Variants in TTN observed in about 807,000 individuals in gnomAD.
TTN encodes connectin.
Under a neutral mutation model 3,223.0 loss-of-function variants are expected in TTN, and 1,525 were observed. That is an observed-to-expected ratio of 0.47 (90% CI 0.45 to 0.49). TTN has a LOEUF of 0.49. Ranked by LOEUF, TTN falls within the 20% of genes least tolerant of loss-of-function variation. The pLI is 0.00. For synonymous variants in TTN, 14,094 were observed against 15,161.0 expected (o/e 0.93, Z 5.17); for missense variants, 40,786 against 43,424.0 (o/e 0.94, Z 5.40).
At position 178,775,894 on chromosome 2, in the gene TTN, C is replaced by A. The variant is rs2092165972; in HGVS notation, c.5970G>T (p.Val1990=). The A allele has an allele frequency of 6.2e-7, 1 of 1,614,146 alleles. No homozygotes were observed. Among genetic ancestry groups the A allele is most frequent in the East Asian group, 2.2e-5 (1 of 44,878 alleles). ...TGCGCAGCTCTTCCGACTCTTCAGG[C>A]ACTTTTTCATGGGTAATTCTTTCAG... ...KRAERITHEK[V]PEESEELRSK... The change falls in exon 28 of 363, where the codon GTG becomes GTT. Residue 1990 remains valine, a synonymous_variant. Coordinates refer to ENST00000589042, the MANE Select transcript of TTN (RefSeq NM_001267550.2).
chr2:178,697,119 A>G lies in TTN; in HGVS notation c.30802+2T>C. The stretch of plus-strand genomic sequence containing the variant: ...GAATAAAAATAATTTATCTTTATTT[A>G]CCTTTTGCTGGAATTAAGGTAGTAG... On this transcript the variant is annotated splice_donor_variant, in intron 113 of 362. Coordinates refer to ENST00000589042, the MANE Select transcript of TTN (RefSeq NM_001267550.2). LOFTEE classifies it high-confidence loss of function. 6.5e-7 allele frequency: 1 copy of G among 1,546,838 alleles called. No homozygotes were observed. The highest frequency in any genetic ancestry group is 1.2e-5 in the South Asian group (1 of 83,326).
chr2:178,650,944 A>T (rs1359588324), intron 208 of TTN, 110 bp from the exon 209 acceptor site: 2 of 1,145,626 alleles, frequency 1.7e-6, no homozygotes, highest in African/African-American at 3.1e-5. Context: ...ATCCAAGAAC[A>T]AATTTCACAA....
rs869038795 is a variant in TTN, at chr2:178,565,095, G to A, written c.81037C>T (p.Arg27013Ter). The A allele has an allele frequency of 1.2e-6, 2 of 1,613,532 alleles. No individual in the cohort carries two copies. The highest frequency in any genetic ancestry group is 8.5e-7 in the Non-Finnish European group (1 of 1,179,632). The change falls in exon 326 of 363, where the codon CGA (arginine) becomes TGA (stop). Residue 27013 changes from arginine to a stop codon, truncating the protein, a stop_gained. Transcript: ENST00000589042. LOFTEE classifies it high-confidence loss of function. The part of the protein sequence containing the change: ...CQISNYIVEK[R>*]DTTTTTWHMV... The stretch of plus-strand genomic sequence containing the variant: ...TGCCAAGTGGTGGTGGTTGTATCTC[G>A]CTTCTCTACAATGTAGTTGCTTATT...
chr2:178,713,112 C>T lies in TTN; in HGVS notation c.27022G>A (p.Glu9008Lys), dbSNP rs762241119. The change falls in exon 93 of 363, where the codon GAA becomes AAA. Residue 9008 changes from glutamate to lysine, a missense_variant. Glu to Lys is a moderately conservative substitution (Grantham distance 56). Coordinates refer to ENST00000589042, the MANE Select transcript of TTN (RefSeq NM_001267550.2). ...CIATNMAGSDECSAPLTVREP... is the reference protein window; with the variant it reads ...CIATNMAGSDKCSAPLTVREP... Reference sequence around the variant, plus strand: ...CTCACAGTCAAAGGAGCACTACATTCATCAGAACCAGCCATATTAGTAGCT... The same window carrying T: ...CTCACAGTCAAAGGAGCACTACATTTATCAGAACCAGCCATATTAGTAGCT... 6.2e-7 allele frequency: 1 copy of T among 1,613,664 alleles called. No individual in the cohort carries two copies. The highest frequency in any genetic ancestry group is 8.5e-7 in the Non-Finnish European group (1 of 1,179,706).
chr2:178,737,880 C>T (rs2081800869), intron 49 of TTN: 2 of 520,052 alleles, frequency 3.8e-6, no homozygotes, highest in Admixed American at 7.6e-5. Context: ...ATTATTTTTT[C>T]TTTGGTCAGT....
Position 178,677,705 on chromosome 2 carries a change from C to G in TTN, c.34207G>C (p.Glu11403Gln), listed in dbSNP as rs878921943. The G allele has an allele frequency of 1.9e-6, 3 of 1,612,724 alleles. No individual in the cohort carries two copies. The highest frequency in any genetic ancestry group is 1.3e-5 in the African/African-American group (1 of 74,788). Reference protein sequence around the residue: ...PEEEEVPPEEEYVPEEEEFVP... With the variant: ...PEEEEVPPEEQYVPEEEEFVP... Reference sequence around the variant, plus strand: ...AATTCTTCTTCCTCAGGTACATATTCTTCTTCGGGAGGAACTTCCTCTTCC... The same window carrying G: ...AATTCTTCTTCCTCAGGTACATATTGTTCTTCGGGAGGAACTTCCTCTTCC... Residue 11403 changes from glutamate to glutamine, a missense_variant, in exon 146 of 363, where the codon GAA becomes CAA. Glu to Gln is a conservative substitution (Grantham distance 29). Transcript: ENST00000589042.
At position 178,739,859 on chromosome 2, in the gene TTN, A is replaced by T; in HGVS notation, c.13374T>A (p.Ile4458=). 6.2e-7 allele frequency: 1 copy of T among 1,613,898 alleles called. No individual in the cohort carries two copies. Among genetic ancestry groups the T allele is most frequent in the Non-Finnish European group, 8.5e-7 (1 of 1,179,836 alleles). The change falls in exon 48 of 363, where the codon ATT becomes ATA. Residue 4458 remains isoleucine (I), a synonymous_variant. Transcript: ENST00000589042. The part of the protein sequence containing the change: ...AKSVTEEVTI[I]IEDVDPQMAN... ...CCATTTGAGGATCAACATCTTCAAT[A>T]ATGATGGTTACTTCTTCTGTTACAG...
rs1178554764 is a variant in TTN, at chr2:178,542,285, T to G, written c.97471A>C (p.Ile32491Leu). Residue 32491 changes from isoleucine (I) to leucine (L), a missense_variant, in exon 349 of 363, where the codon ATA (isoleucine) becomes CTA (leucine). Transcript: ENST00000589042. ...GIGSYLQSEVIECRSSIRIPG... is the reference protein window; with the variant it reads ...GIGSYLQSEVLECRSSIRIPG... The stretch of plus-strand genomic sequence containing the variant: ...TTACGGATGCTGCTGCGACACTCTA[T>G]GACCTCAGACTGCAAGTAAGAGCCA... 1 of 1,610,794 alleles carries G rather than the reference T, an allele frequency of 6.2e-7. No homozygotes were observed. Among genetic ancestry groups the G allele is most frequent in the Non-Finnish European group, 8.5e-7 (1 of 1,178,444 alleles).
At position 178,598,501 on chromosome 2, in the gene TTN, C is replaced by T. The variant is rs1410022202; in HGVS notation, c.57111+5G>A. ...GTGCATTTCCTTAGTGCCAAGTTTT[C>T]CTACCTTTTCCCATTCTTCTTTTCC... On this transcript the variant is annotated splice_donor_5th_base_variant and intron_variant, in intron 292 of 362. Transcript: ENST00000589042. 1.2e-6 allele frequency: 2 copies of T among 1,604,548 alleles called. No homozygotes were observed. The highest frequency in any genetic ancestry group is 1.7e-5 in the Admixed American group (1 of 57,530).
chr2:178,748,689 G>A (rs1439610917), intron 47 of TTN: 1 of 1,612,634 alleles, frequency 6.2e-7, no homozygotes, highest in East Asian at 2.2e-5. Context: ...AATGTAATAG[G>A]TGATTCATGT....
rs1344009252 is a variant in TTN, at chr2:178,601,417, G to A, written c.55580C>T (p.Thr18527Ile). ...GCTTCCACAGTCTGGATTGACTTTG[G>A]TCCAGGCTTTTCCATCAATAGTCCT... ...EKRTIDGKAW[T>I]KVNPDCGSTT... The change falls in exon 287 of 363, where the codon ACC (threonine) becomes ATC (isoleucine). Residue 18527 changes from threonine to isoleucine, a missense_variant. Thr to Ile is a moderately conservative substitution (Grantham distance 89, BLOSUM62 -1). Transcript: ENST00000589042. 10 of 1,612,702 alleles carry A rather than the reference G, an allele frequency of 6.2e-6. No individual in the cohort carries two copies. The East Asian group carries it at 2.0e-4, about 33-fold the overall frequency.
At position 178,562,087 on chromosome 2, in the gene TTN, C is replaced by G. The variant is rs1457024696; in HGVS notation, c.84045G>C (p.Lys28015Asn). Residue 28015 changes from lysine to asparagine, a missense_variant, in exon 326 of 363, where the codon AAG (lysine) becomes AAC (asparagine). Lys to Asn is a moderately conservative substitution (Grantham distance 94). Transcript: ENST00000589042. ...CCTTAATAGATAGTGATGTTACAGT[C>G]TTTGAAGAAGAAACATTGACTCTAG... ...ETTRVNVSSSKTVTSLSIKEA... is the reference protein window; with the variant it reads ...ETTRVNVSSSNTVTSLSIKEA... 6.2e-7 allele frequency: 1 copy of G among 1,613,282 alleles called. No individual in the cohort carries two copies. The highest frequency in any genetic ancestry group is 1.7e-5 in the Admixed American group (1 of 59,964).
rs1208247404 is a variant in TTN, at chr2:178,536,039, C to A, written c.100708G>T (p.Val33570Phe). The change falls in exon 357 of 363, where the codon GTC (valine) becomes TTC (phenylalanine). Residue 33570 changes from valine (V) to phenylalanine (F), a missense_variant. Coordinates refer to ENST00000589042, the MANE Select transcript of TTN (RefSeq NM_001267550.2). ...VTDDDATVYQ[V>F]RATNQGGSVS... ...GATCCCCCTTGGTTGGTAGCTCTGACTTGGTAAACTGTGGCATCATCATCT... is the reference window on the plus strand; with the variant it reads ...GATCCCCCTTGGTTGGTAGCTCTGAATTGGTAAACTGTGGCATCATCATCT... 1 of 1,587,078 alleles carries A rather than the reference C, an allele frequency of 6.3e-7. No homozygotes were observed. Among genetic ancestry groups the A allele is most frequent in the Non-Finnish European group, 8.6e-7 (1 of 1,164,294 alleles).
At position 178,597,736 on chromosome 2, in the gene TTN, C is replaced by T. The variant is rs2052100792; in HGVS notation, c.57346G>A (p.Val19116Met). ...ACGGTTGGAGGAGGCTTTCCAGACACATAGGCAATGATTCGGATCACCCCT... is the reference window on the plus strand; with the variant it reads ...ACGGTTGGAGGAGGCTTTCCAGACATATAGGCAATGATTCGGATCACCCCT... ...AGGVIRIIAY[V>M]SGKPPPTVTW... The change falls in exon 294 of 363, where the codon GTG (valine) becomes ATG (methionine). Residue 19116 changes from valine (V) to methionine (M), a missense_variant. Coordinates refer to ENST00000589042, the MANE Select transcript of TTN (RefSeq NM_001267550.2). The T allele has an allele frequency of 6.2e-7, 1 of 1,613,126 alleles. No individual in the cohort carries two copies. Among genetic ancestry groups the T allele is most frequent in the Admixed American group, 1.7e-5 (1 of 59,930 alleles).
rs1337018303 is a variant in TTN at position 178,800,584 on chromosome 2, T to C, written c.394A>G (p.Thr132Ala). 1 of 1,614,084 alleles carries C rather than the reference T, an allele frequency of 6.2e-7. No homozygotes were observed. Among genetic ancestry groups the C allele is most frequent in the East Asian group, 2.2e-5 (1 of 44,878 alleles). Reference protein sequence around the residue: ...RLQVRVTGIPTPVVKFYRDGA... With the variant: ...RLQVRVTGIPAPVVKFYRDGA... ...TCCCGGTAGAACTTCACCACAGGTG[T>C]AGGGATTCCAGTCACTCTCACTTGG... Residue 132 changes from threonine (T) to alanine (A), a missense_variant, in exon 4 of 363, where the codon ACA (threonine) becomes GCA (alanine). Physicochemically the swap from Thr to Ala is moderately conservative, Grantham distance 58 (BLOSUM62 0). Coordinates refer to ENST00000589042, the MANE Select transcript of TTN (RefSeq NM_001267550.2).
intron 47 of TTN, chr2:178,749,168 T>A (rs974340759): frequency 1.2e-6 from 2 of 1,611,836 alleles, no homozygotes; most frequent in Admixed American, 3.3e-5. Flanking sequence ...GGCACATTCT[T>A]GTACATTTTC....
chr2:178,683,535 C>T (rs918682683), intron 133 of TTN, among the ~76,000 whole-genome samples: 2 of 151,970 alleles, frequency 1.3e-5, no homozygotes, highest in Non-Finnish European at 2.9e-5. Flanking sequence ...TTTAAAAAGA[C>T]AACTAAACAG....
intron 10 of TTN, among the ~76,000 whole-genome samples, chr2:178,791,052 A>C (rs1183755939): frequency 2.0e-5 from 3 of 152,180 alleles, no homozygotes; most frequent in African/African-American, 7.2e-5. Flanking sequence ...GCGCCTTAGC[A>C]AATTGTCCTA....
intron 18 of TTN, 77 bp from the exon 19 acceptor site, chr2:178,782,679 A>T: frequency 6.2e-7 from 1 of 1,604,780 alleles, no homozygotes; most frequent in Non-Finnish European, 8.5e-7. Flanking sequence ...TAAATTGACC[A>T]TATAATCTCC....
Sources: gnomAD v4.1 joint callset for allele counts (sites outside exome capture counted in the v4.1 genomes callset) on GRCh38, gnomAD v4.1.1 for gene constraint, MANE v1.5 for transcripts, NCBI Gene and HGNC (gene_info 2026-07-23, HGNC 2026-07-21) for gene names.